Variants in CYRIB observed in about 807,000 individuals in gnomAD.
The protein encoded by CYRIB is CYFIP-related Rac1 interactor B.
In CYRIB, 8 loss-of-function variants were observed where a neutral mutation model predicts 44.2. The observed-to-expected ratio is 0.18, with a 90% CI of 0.11 to 0.33. The LOEUF is 0.33. Ranked by LOEUF, CYRIB falls within the 10% of genes least tolerant of loss-of-function variation. The probability of loss-of-function intolerance (pLI) is 1.00; values close to 1 mark genes in which losing one functional copy is unlikely to be tolerated. For synonymous variants in CYRIB, 131 were observed against 127.2 expected, an observed-to-expected ratio of 1.03 and a Z score of -0.20; for missense variants, 185 against 382.8, an observed-to-expected ratio of 0.48 and a Z score of 4.31.
chr8:129,936,960 G>GCCT (rs2092924596), intron 1 of CYRIB, among the ~76,000 whole-genome samples: 1 of 152,096 alleles, frequency 6.6e-6, no homozygotes, highest in African/African-American at 2.4e-5. Flanking sequence ...GCCCGCCTCG[G>GCCT]CCTCCCAAAG....
chr8:129,975,654 A>G (rs2095884353), intron 1 of CYRIB, among the ~76,000 whole-genome samples: 1 of 152,190 alleles, frequency 6.6e-6, no homozygotes, highest in African/African-American at 2.4e-5. Context: ...GCTTCATTCC[A>G]TAATTATTCT....
chr8:129,962,641 G>GAC (rs386729996), intron 2 of CYRIB, among the ~76,000 whole-genome samples: 9,456 of 151,924 alleles, frequency 0.062, 401 homozygotes, highest in South Asian at 0.2. Flanking sequence ...TAATTTAATG[G>GAC]TATCCTTAAA....
At chr8:129,848,989 G>A (rs2041888721) in intron 10 of CYRIB, among the ~76,000 whole-genome samples, 1 of 152,092 alleles carries the variant, frequency 6.6e-6, no homozygotes, top group Non-Finnish European at 1.5e-5. Flanking sequence ...TATTTATATT[G>A]CCAAATACGT....
At chr8:129,954,041 A>C (rs1408012067) in intron 2 of CYRIB, among the ~76,000 whole-genome samples, 1 of 152,116 alleles carries the variant, frequency 6.6e-6, no homozygotes, top group African/African-American at 2.4e-5. Context: ...CCCTTCTAAA[A>C]TCCTGGTGCC....
chr8:129,943,829 G>A (rs1389241889), upstream of CYRIB, among the ~76,000 whole-genome samples: 4 of 147,816 alleles, frequency 2.7e-5, no homozygotes, highest in African/African-American at 1.0e-4. Context: ...TCGATCTCCT[G>A]ACCACGTGAT....
chr8:129,958,045 T>C (rs561495123), intron 2 of CYRIB, among the ~76,000 whole-genome samples: 1 of 151,478 alleles, frequency 6.6e-6, no homozygotes, highest in Admixed American at 6.6e-5. Context: ...TAATCCCAAC[T>C]ACTTGGGAGG....
intron 1 of CYRIB, among the ~76,000 whole-genome samples, chr8:130,012,372 A>AATCC (rs1472180470): frequency 6.6e-6 from 1 of 152,246 alleles, no homozygotes; most frequent in Non-Finnish European, 1.5e-5. Context: ...CTCCAAGTTT[A>AATCC]ATCCAGGAAT....
chr8:129,861,272 G>GCCT (rs768946692), intron 5 of CYRIB, among the ~76,000 whole-genome samples: 2 of 151,990 alleles, frequency 1.3e-5, no homozygotes, highest in South Asian at 4.2e-4. Context: ...TACCTGCTCT[G>GCCT]CCTCCTCCTC....
At chr8:130,010,869 G>C (rs1204044733) in intron 1 of CYRIB, among the ~76,000 whole-genome samples, 1 of 152,088 alleles carries the variant, frequency 6.6e-6, no homozygotes, top group Non-Finnish European at 1.5e-5. Flanking sequence ...CAATCCAGAG[G>C]CATCGCATCA....
At chr8:130,014,175 C>A (rs1465626244) in intron 1 of CYRIB, among the ~76,000 whole-genome samples, 1 of 152,144 alleles carries the variant, frequency 6.6e-6, no homozygotes, top group Non-Finnish European at 1.5e-5. Flanking sequence ...CACAGTGGCT[C>A]ACACCTGTAA....
At chr8:129,931,592 CAAT>C (rs1221276155) in intron 1 of CYRIB, among the ~76,000 whole-genome samples, 2 of 152,002 alleles carry the variant, frequency 1.3e-5, no homozygotes, top group Non-Finnish European at 2.9e-5. Context: ...TGAACAGCAC[CAAT>C]AATAATAATA....
rs59820661 is a variant in CYRIB, at chr8:129,848,049, G to A, written c.841-1175C>T. ...TTGAACTCCTAACCTTAGGTGATCCGCCTGCCTCGGCCTGCCAAAGTGCTG... is the reference window on the plus strand; with the variant it reads ...TTGAACTCCTAACCTTAGGTGATCCACCTGCCTCGGCCTGCCAAAGTGCTG... On this transcript the variant is annotated intron_variant, in intron 10 of 11. Transcript: ENST00000519824. Among the ~76,000 whole-genome samples the A allele has an allele frequency of 9.5e-3, 1,439 of 152,082 alleles. 28 individuals are homozygous for A. Among genetic ancestry groups the A allele is most frequent in the African/African-American group, 0.033 (1,376 of 41,484 alleles).
At chr8:130,005,299 G>A (rs2097026308) in intron 1 of CYRIB, among the ~76,000 whole-genome samples, 1 of 152,046 alleles carries the variant, frequency 6.6e-6, no homozygotes, top group Non-Finnish European at 1.5e-5. Flanking sequence ...AGGAAACCAG[G>A]ACCCAGGCTG....
intron 1 of CYRIB, among the ~76,000 whole-genome samples, chr8:129,975,193 T>G (rs2095866121): frequency 2.0e-5 from 3 of 151,510 alleles, no homozygotes; most frequent in Admixed American, 2.0e-4. Flanking sequence ...TTTTTTTATT[T>G]CTTGTAGAGA....
At chr8:129,951,976 T>G (rs1285589648) in intron 2 of CYRIB, among the ~76,000 whole-genome samples, 1 of 152,160 alleles carries the variant, frequency 6.6e-6, no homozygotes, top group Non-Finnish European at 1.5e-5. Flanking sequence ...AATTTAAAAA[T>G]GTGAATATTA....
intron 1 of CYRIB, among the ~76,000 whole-genome samples, chr8:130,014,498 C>T (rs2097297702): frequency 6.6e-6 from 1 of 152,170 alleles, no homozygotes; most frequent in Non-Finnish European, 1.5e-5. Context: ...GAAGGGTCTG[C>T]ACTGTCTCTT....
chr8:129,867,290 T>C (rs1008694444), intron 4 of CYRIB, among the ~76,000 whole-genome samples: 2 of 150,930 alleles, frequency 1.3e-5, no homozygotes, highest in African/African-American at 4.9e-5. Flanking sequence ...CACCTGGCTT[T>C]TTTTTTTTTT....
At chr8:129,875,584 T>C (rs1031720598) in intron 3 of CYRIB, among the ~76,000 whole-genome samples, 1 of 152,156 alleles carries the variant, frequency 6.6e-6, no homozygotes, top group East Asian at 1.9e-4. Flanking sequence ...TGGGCTTATA[T>C]TTTAACTGAA....
chr8:129,897,006 G>T (rs1160416747), intron 2 of CYRIB, among the ~76,000 whole-genome samples: 1 of 152,214 alleles, frequency 6.6e-6, no homozygotes, highest in Non-Finnish European at 1.5e-5. Flanking sequence ...ATTCTCTGAA[G>T]TTAAGTATCC....
Sources: gnomAD v4.1 joint callset for allele counts (sites outside exome capture counted in the v4.1 genomes callset) on GRCh38, gnomAD v4.1.1 for gene constraint, MANE v1.5 for transcripts, NCBI Gene and HGNC (gene_info 2026-07-23, HGNC 2026-07-21) for gene names.